Variants in RELN observed in about 807,000 individuals in gnomAD.
RELN encodes the protein reelin.
A neutral mutation model predicts 427.6 loss-of-function variants in RELN; 108 were observed. The observed-to-expected ratio is 0.25, with a 90% confidence interval of 0.22 to 0.30. The LOEUF (loss-of-function observed/expected upper bound fraction) is 0.30, where lower values mean the gene tolerates loss of function less well. Ranked by LOEUF, RELN falls within the 10% of genes least tolerant of loss-of-function variation. The pLI, the probability that RELN is intolerant of heterozygous loss-of-function variation, is 1.00. For missense variants in RELN, 3,715 were observed against 4,302.8 expected, an observed-to-expected ratio of 0.86 and a Z score of 3.82; for synonymous variants, 1,524 against 1,513.4, an observed-to-expected ratio of 1.01 and a Z score of -0.16.
intron 6 of RELN, among the ~76,000 whole-genome samples, chr7:103,729,362 A>G (rs1562975651): frequency 6.6e-6 from 1 of 152,212 alleles, no homozygotes; most frequent in African/African-American, 2.4e-5. Flanking sequence ...AAAGGAGCGC[A>G]TAAAGCCAGG....
At position 103,836,065 on chromosome 7, in the gene RELN, T is replaced by C. The variant is rs111817880; in HGVS notation, c.338-2393A>G. ...GCAATCTCCACCGCTTGGGTTCAAG[T>C]GTTTCTCCTGCCTCAGCCTCCCGAG... On this transcript the variant is annotated intron_variant, in intron 2 of 64. Transcript: ENST00000428762. Among the ~76,000 whole-genome samples the C allele has an allele frequency of 8.4e-3, 1,277 of 151,824 alleles. 14 individuals carry two copies. The highest frequency in any genetic ancestry group is 0.029 in the African/African-American group (1,187 of 41,374).
intron 2 of RELN, among the ~76,000 whole-genome samples, chr7:103,845,388 C>T (rs966321897): frequency 6.6e-6 from 1 of 152,090 alleles, no homozygotes; most frequent in African/African-American, 2.4e-5. Flanking sequence ...GCCATGTTGG[C>T]CAGGTGGGTC....
intron 16 of RELN, among the ~76,000 whole-genome samples, chr7:103,644,265 C>T (rs1404675526): frequency 6.6e-6 from 1 of 151,558 alleles, no homozygotes; most frequent in Non-Finnish European, 1.5e-5. Flanking sequence ...AAATGAAATC[C>T]TTGAAATACC....
chr7:103,907,145 C>T (rs1259483931), intron 2 of RELN, among the ~76,000 whole-genome samples: 2 of 151,922 alleles, frequency 1.3e-5, no homozygotes, highest in Admixed American at 1.3e-4. Context: ...CAGCCAGGCG[C>T]GGTGGCTCAT....
chr7:103,875,630 G>T (rs1794460351), intron 2 of RELN, among the ~76,000 whole-genome samples: 1 of 152,024 alleles, frequency 6.6e-6, no homozygotes, highest in African/African-American at 2.4e-5. Context: ...AAACTACCAG[G>T]TGGATATAAA....
chr7:103,926,939 C>T (rs907710165), intron 1 of RELN, among the ~76,000 whole-genome samples: 12 of 152,152 alleles, frequency 7.9e-5, no homozygotes, highest in African/African-American at 2.7e-4. Flanking sequence ...GCCACCGTGC[C>T]CAGCCTAAGC....
intron 3 of RELN, among the ~76,000 whole-genome samples, chr7:103,802,394 T>C (rs1444470704): frequency 6.6e-6 from 1 of 152,166 alleles, no homozygotes; most frequent in East Asian, 1.9e-4. Flanking sequence ...TATTAGGACA[T>C]TTAAATATTA....
rs994658782 is a variant in RELN at position 103,779,163 on chromosome 7, T to C, written c.474-2536A>G. On this transcript the variant is annotated intron_variant, in intron 3 of 64. Coordinates refer to ENST00000428762, the MANE Select transcript of RELN (RefSeq NM_005045.4). ...GTGTTCCACAGTGATGCCCTAGGGG[T>C]CTCCATGAGAGTCAAGAGAAGGAGG... is the stretch of plus-strand genomic sequence containing the variant. Among the ~76,000 whole-genome samples the C allele has an allele frequency of 2.0e-5, 3 of 151,908 alleles. No individual in the cohort carries two copies. The East Asian group carries it at 5.8e-4, about 29-fold the overall frequency.
At chr7:103,817,430 C>T (rs1792901187) in intron 3 of RELN, among the ~76,000 whole-genome samples, 1 of 152,104 alleles carries the variant, frequency 6.6e-6, no homozygotes, top group Non-Finnish European at 1.5e-5. Flanking sequence ...TAAGGCTCTG[C>T]TTTTAATTTA....
intron 2 of RELN, among the ~76,000 whole-genome samples, chr7:103,885,615 C>T (rs1321855769): frequency 6.6e-6 from 1 of 152,054 alleles, no homozygotes; most frequent in Non-Finnish European, 1.5e-5. Flanking sequence ...GGAGGGATAC[C>T]ATTAGGAGAA....
Position 103,782,388 on chromosome 7 carries a change from A to T in RELN, c.474-5761T>A, listed in dbSNP as rs886804. ...CAGTTAGGTGCCACTTATGAGCTAC[A>T]TGACTTTGGACAACTTCTTTAATCA... On this transcript the variant is annotated intron_variant, in intron 3 of 64. Transcript: ENST00000428762. 2.0e-5 allele frequency among the ~76,000 whole-genome samples: 3 copies of T among 151,858 alleles called. 1 individual carries two copies. The highest frequency in any genetic ancestry group is 4.4e-5 in the Non-Finnish European group (3 of 67,964).
Position 103,735,900 on chromosome 7 carries a change from A to G in RELN, c.657-7693T>C, listed in dbSNP as rs576778276. ...GCATTTCTGAGCCACATTCACCAGT[A>G]TTTCTGAATGGAGATAGTCAGATAA... On this transcript the variant is annotated intron_variant, in intron 6 of 64. Transcript: ENST00000428762. Among the ~76,000 whole-genome samples, 12 of 152,294 alleles carry G rather than the reference A, an allele frequency of 7.9e-5. No individual in the cohort carries two copies. The East Asian group carries it at 2.3e-3, about 29-fold the overall frequency.
chr7:103,599,001 C>T (rs1265125844), intron 24 of RELN, among the ~76,000 whole-genome samples: 2 of 152,068 alleles, frequency 1.3e-5, no homozygotes, highest in African/African-American at 4.8e-5. Flanking sequence ...CTCCAATTTC[C>T]CCCCAAATTC....
At chr7:103,898,020 T>G (rs1221192639) in intron 2 of RELN, among the ~76,000 whole-genome samples, 1 of 152,128 alleles carries the variant, frequency 6.6e-6, no homozygotes, top group Non-Finnish European at 1.5e-5. Flanking sequence ...ACAATGAGCA[T>G]GTCTAACCAA....
intron 17 of RELN, among the ~76,000 whole-genome samples, chr7:103,637,881 G>A (rs1246170338): frequency 6.6e-6 from 1 of 152,048 alleles, no homozygotes; most frequent in African/African-American, 2.4e-5. Context: ...GCATTTTAGG[G>A]CAATTACATT....
At chr7:103,695,498 A>C (rs1833959619) in intron 10 of RELN, among the ~76,000 whole-genome samples, 1 of 152,124 alleles carries the variant, frequency 6.6e-6, no homozygotes, top group Non-Finnish European at 1.5e-5. Context: ...TATTCCACAT[A>C]AAGTTGTAAT....
chr7:103,688,173 A>G (rs1408310633), intron 10 of RELN, among the ~76,000 whole-genome samples: 2 of 152,150 alleles, frequency 1.3e-5, no homozygotes, highest in Non-Finnish European at 2.9e-5. Flanking sequence ...GAATCTGGCC[A>G]GGAAATCATA....
At chr7:103,519,614 G>A in intron 48 of RELN, 98 bp from the exon 49 acceptor site, 1 of 879,032 alleles carries the variant, frequency 1.1e-6, no homozygotes, top group Non-Finnish European at 1.8e-6. Flanking sequence ...ACAGGGTCTT[G>A]CTCTGTCACC....
chr7:103,677,404 GTATAATAAT>G (rs1315888070), intron 11 of RELN, among the ~76,000 whole-genome samples: 1 of 115,802 alleles, frequency 8.6e-6, no homozygotes, highest in Non-Finnish European at 1.7e-5. Flanking sequence ...AGAACTTAAA[GTATAATAAT>G]AATAATAATA....
Sources: allele counts gnomAD v4.1 joint callset (sites outside exome capture counted in the v4.1 genomes callset), GRCh38; gene constraint gnomAD v4.1.1; transcripts MANE v1.5; gene names NCBI Gene and HGNC (gene_info 2026-07-23, HGNC 2026-07-21).